L3MBTL4: variants seen among roughly 807,000 people sequenced by gnomAD.
The protein encoded by L3MBTL4 is lethal(3)malignant brain tumor-like protein 4.
L3MBTL4 carries 70 observed loss-of-function variants against 84.5 expected under a neutral mutation model. The observed-to-expected ratio is 0.83, with a 90% CI of 0.68 to 1.01. The LOEUF (loss-of-function observed/expected upper bound fraction) is 1.01, where lower values mean the gene tolerates loss of function less well. Ranked by LOEUF, L3MBTL4 falls within the 50% of genes least tolerant of loss-of-function variation. The probability of loss-of-function intolerance (pLI) is 0.00; values close to 1 mark genes in which losing one functional copy is unlikely to be tolerated. For missense variants in L3MBTL4, 715 were observed against 754.8 expected, an observed-to-expected ratio of 0.95 and a Z score of 0.62; for synonymous variants, 274 against 259.8, an observed-to-expected ratio of 1.05 and a Z score of -0.52.
chr18:6,066,683 C>T (rs911947326), intron 16 of L3MBTL4, among the ~76,000 whole-genome samples: 11 of 152,048 alleles, frequency 7.2e-5, no homozygotes, highest in Non-Finnish European at 1.0e-4. Context: ...GCTACTTCTG[C>T]TCACTTTTGT....
intron 16 of L3MBTL4, among the ~76,000 whole-genome samples, chr18:6,044,120 A>G (rs1326809597): frequency 2.6e-5 from 4 of 152,250 alleles, no homozygotes; most frequent in Non-Finnish European, 5.9e-5. Context: ...ATGTCTTCTC[A>G]AGAGCATTAG....
At chr18:6,354,179 G>A (rs549382257) in intron 1 of L3MBTL4, among the ~76,000 whole-genome samples, 19 of 152,048 alleles carry the variant, frequency 1.2e-4, no homozygotes, top group Non-Finnish European at 2.5e-4. Context: ...ACACACACTG[G>A]GGAAAAGACA....
chr18:6,101,032 C>T lies in L3MBTL4; in HGVS notation c.1200-7504G>A, dbSNP rs184260949. On this transcript the variant is annotated intron_variant, in intron 14 of 18. Transcript: ENST00000317931. ...TGGGGCCCCTTGTTCCGGATCCACA[C>T]TCAGTCTTCTGTGGGGATGAAGGTG... is the stretch of plus-strand genomic sequence containing the variant. 7.3e-3 allele frequency among the ~76,000 whole-genome samples: 1,109 copies of T among 152,340 alleles called. 6 individuals are homozygous for T. Among genetic ancestry groups the T allele is most frequent in the Non-Finnish European group, 0.011 (751 of 68,036 alleles).
chr18:5,956,822 A>G (rs2095229555), intron 18 of L3MBTL4, among the ~76,000 whole-genome samples: 1 of 152,360 alleles, frequency 6.6e-6, no homozygotes, highest in Admixed American at 6.5e-5. Context: ...GTTCCCAATA[A>G]TATCAGAAGT....
At chr18:6,016,347 C>T (rs911232106) in intron 16 of L3MBTL4, among the ~76,000 whole-genome samples, 1 of 152,190 alleles carries the variant, frequency 6.6e-6, no homozygotes, top group Admixed American at 6.5e-5. Flanking sequence ...CCTTAGGCAC[C>T]ATTTGGCTCT....
At chr18:6,335,109 G>A (rs2052262959) in intron 1 of L3MBTL4, among the ~76,000 whole-genome samples, 1 of 151,948 alleles carries the variant, frequency 6.6e-6, no homozygotes, top group Non-Finnish European at 1.5e-5. Context: ...TTCATTTTTT[G>A]AGATGGAGTC....
At chr18:6,135,254 C>A (rs112049560) in intron 14 of L3MBTL4, among the ~76,000 whole-genome samples, 3 of 152,184 alleles carry the variant, frequency 2.0e-5, no homozygotes, top group Non-Finnish European at 2.9e-5. Flanking sequence ...TCCTCCTGGG[C>A]CTCCAGGCCT....
chr18:6,357,410 T>G lies in L3MBTL4; in HGVS notation c.-90-45354A>C, dbSNP rs145345217. ...CTGAACAGTGAAATAACTAGTACCT[T>G]CTTTCCATTCTGCAGCTCGTTTAAT... On this transcript the variant is annotated intron_variant, in intron 1 of 18. Transcript: ENST00000317931. Among the ~76,000 whole-genome samples the G allele has an allele frequency of 1.9e-3, 287 of 152,332 alleles. 1 individual carries two copies. The highest frequency in any genetic ancestry group is 6.4e-3 in the African/African-American group (267 of 41,576).
chr18:6,399,231 C>T (rs2055409947), intron 1 of L3MBTL4, among the ~76,000 whole-genome samples: 1 of 152,016 alleles, frequency 6.6e-6, no homozygotes, highest in South Asian at 2.1e-4. Flanking sequence ...CGAGGTCAGG[C>T]GTTCAAGACC....
At chr18:6,248,857 C>T (rs1008103150) in intron 5 of L3MBTL4, among the ~76,000 whole-genome samples, 1 of 152,088 alleles carries the variant, frequency 6.6e-6, no homozygotes, top group African/African-American at 2.4e-5. Flanking sequence ...GGATGCAAGC[C>T]TTTTTTATAT....
chr18:6,239,148 C>A (rs867321862), intron 9 of L3MBTL4, among the ~76,000 whole-genome samples: 37 of 151,708 alleles, frequency 2.4e-4, no homozygotes, highest in African/African-American at 8.5e-4. Context: ...GAGACCATCC[C>A]GGCTAAAACG....
intron 13 of L3MBTL4, among the ~76,000 whole-genome samples, chr18:6,147,404 C>A (rs899895711): frequency 1.3e-5 from 2 of 151,908 alleles, no homozygotes; most frequent in South Asian, 2.1e-4. Flanking sequence ...AACCAAACAC[C>A]ATGTTTGCTT....
intron 14 of L3MBTL4, among the ~76,000 whole-genome samples, chr18:6,116,161 A>G (rs968344301): frequency 6.6e-6 from 1 of 152,166 alleles, no homozygotes; most frequent in Non-Finnish European, 1.5e-5. Context: ...GCAGAAGAGC[A>G]GGACATAAAG....
At chr18:6,332,158 A>G (rs558502409) in intron 1 of L3MBTL4, among the ~76,000 whole-genome samples, 23 of 152,294 alleles carry the variant, frequency 1.5e-4, no homozygotes, top group African/African-American at 5.3e-4. Context: ...TTGAACTGAC[A>G]TAATTTGAAA....
chr18:6,154,197 T>G (rs1435496363), intron 13 of L3MBTL4, among the ~76,000 whole-genome samples: 2 of 152,200 alleles, frequency 1.3e-5, no homozygotes, highest in African/African-American at 4.8e-5. Flanking sequence ...TCCAATACTA[T>G]TAGTGTATTG....
chr18:6,346,445 G>A (rs1269484771), intron 1 of L3MBTL4, among the ~76,000 whole-genome samples: 1 of 151,876 alleles, frequency 6.6e-6, no homozygotes. Flanking sequence ...CCATACATTT[G>A]ATAAGGGGCT....
At chr18:6,272,025 C>T (rs1221056927) in intron 4 of L3MBTL4, among the ~76,000 whole-genome samples, 13 of 152,200 alleles carry the variant, frequency 8.5e-5, no homozygotes, top group African/African-American at 2.9e-4. Context: ...ATGACATAAG[C>T]TCTTGACGGG....
intron 5 of L3MBTL4, 115 bp from the exon 6 acceptor site, chr18:6,244,703 G>A (rs922617634): frequency 2.0e-5 from 14 of 713,658 alleles, no homozygotes; most frequent in Non-Finnish European, 2.7e-5. Flanking sequence ...TAGAAACAGA[G>A]AGTAGAATGG....
chr18:6,381,513 G>A (rs561136117), intron 1 of L3MBTL4, among the ~76,000 whole-genome samples: 1 of 152,332 alleles, frequency 6.6e-6, no homozygotes, highest in South Asian at 2.1e-4. Context: ...AGGAGCTCTT[G>A]CCAGGCAGGC....
Sources: allele counts gnomAD v4.1 joint callset (sites outside exome capture counted in the v4.1 genomes callset), GRCh38; gene constraint gnomAD v4.1.1; transcripts MANE v1.5; gene names NCBI Gene and HGNC (gene_info 2026-07-23, HGNC 2026-07-21).